Variants in HCN1 observed in about 807,000 individuals in gnomAD.
HCN1 encodes hyperpolarization activated cyclic nucleotide gated potassium channel 1.
In HCN1, 13 loss-of-function variants were observed where a neutral mutation model predicts 78.9. The observed-to-expected ratio is 0.16, with a 90% confidence interval of 0.11 to 0.26. HCN1 has a LOEUF of 0.26. HCN1 is among the 10% of genes least tolerant of loss of function. HCN1 has a pLI of 1.00. For synonymous variants in HCN1, 552 were observed against 455.5 expected, an observed-to-expected ratio of 1.21 and a Z score of -2.70; for missense variants, 810 against 1,154.3, an observed-to-expected ratio of 0.70 and a Z score of 4.32.
chr5:45,632,596 A>C (rs956020226), intron 2 of HCN1, among the ~76,000 whole-genome samples: 7 of 151,962 alleles, frequency 4.6e-5, no homozygotes, highest in Admixed American at 2.0e-4. Context: ...TTATTATCTA[A>C]CCCGAAATTC....
rs559025160 is a variant in HCN1 at position 45,260,996 on chromosome 5, C to G, written c.*925G>C. The G allele has an allele frequency of 2.0e-5, 3 of 152,396 alleles. No homozygotes were observed. The highest frequency in any genetic ancestry group is 2.4e-5 in the African/African-American group (1 of 41,352). 9.4% of individuals were successfully genotyped at this position (152,396 alleles called of 1,614,324 possible). ...GTGTAATACAAGCAATTTGTAGATT[C>G]GAGCATACAATTTTGCATAAAACAT... On this transcript the variant is annotated 3_prime_UTR_variant, in exon 8 of 8. Transcript: ENST00000303230.
chr5:45,327,608 T>C (rs982204768), intron 5 of HCN1, among the ~76,000 whole-genome samples: 4 of 151,644 alleles, frequency 2.6e-5, no homozygotes, highest in African/African-American at 9.7e-5. Context: ...TTGTTATGGG[T>C]TGAGTTGTGT....
chr5:45,269,864 G>C (rs1292006561), intron 6 of HCN1, among the ~76,000 whole-genome samples: 1 of 152,106 alleles, frequency 6.6e-6, no homozygotes, highest in African/African-American at 2.4e-5. Flanking sequence ...ATTCTTCCAG[G>C]ATACCTGCTG....
intron 5 of HCN1, among the ~76,000 whole-genome samples, chr5:45,349,624 T>A (rs572702866): frequency 6.6e-6 from 1 of 152,168 alleles, no homozygotes; most frequent in East Asian, 1.9e-4. Flanking sequence ...GATAGACCGC[T>A]AGCAAGACGA....
chr5:45,303,925 G>T, intron 5 of HCN1, 86 bp from the exon 6 acceptor site: 1 of 1,132,174 alleles, frequency 8.8e-7, no homozygotes, highest in Non-Finnish European at 1.3e-6. Flanking sequence ...AATATATACA[G>T]CATAACATTG....
intron 2 of HCN1, among the ~76,000 whole-genome samples, chr5:45,545,199 G>A (rs1743186543): frequency 1.3e-5 from 2 of 152,202 alleles, no homozygotes. Context: ...CTGATGGCCA[G>A]TGATGATGAG....
At chr5:45,643,433 TC>T (rs1745491482) in intron 2 of HCN1, 1 of 152,176 alleles carries the variant, frequency 6.6e-6, no homozygotes, top group Non-Finnish European at 1.5e-5. Flanking sequence ...GAGGTACTAT[TC>T]AACTCTGTTG....
chr5:45,319,268 CA>C (rs1433696250), intron 5 of HCN1, among the ~76,000 whole-genome samples: 1 of 151,812 alleles, frequency 6.6e-6, no homozygotes, highest in Non-Finnish European at 1.5e-5. Context: ...CAGTTGCTGC[CA>C]AAAGTTTTCC....
At chr5:45,451,260 C>A (rs1740912617) in intron 3 of HCN1, among the ~76,000 whole-genome samples, 1 of 151,908 alleles carries the variant, frequency 6.6e-6, no homozygotes, top group Non-Finnish European at 1.5e-5. Context: ...ATTTACATTT[C>A]TTTTTAATAT....
rs12657229 is a variant in HCN1, at chr5:45,585,106, A to G, written c.849+60079T>C. Among the ~76,000 whole-genome samples, 1,127 of 152,266 alleles carry G rather than the reference A, an allele frequency of 7.4e-3. 98 individuals are homozygous for G. In the East Asian group the frequency reaches 0.18, roughly 24 times the overall value. On this transcript the variant is annotated intron_variant, in intron 2 of 7. Coordinates refer to ENST00000303230, the MANE Select transcript of HCN1 (RefSeq NM_021072.4). ...GCTATGTTGCGGAAGTTCTCCTGAT[A>G]ATATCCTGCAGAGTGTTTTCCAACT...
chr5:45,311,693 A>G (rs962349570), intron 5 of HCN1, among the ~76,000 whole-genome samples: 2 of 152,238 alleles, frequency 1.3e-5, no homozygotes, highest in African/African-American at 4.8e-5. Flanking sequence ...AAGAAATGCC[A>G]AGAATGTGAT....
chr5:45,368,978 T>G (rs944230380), intron 4 of HCN1, among the ~76,000 whole-genome samples: 3 of 152,044 alleles, frequency 2.0e-5, no homozygotes, highest in Non-Finnish European at 4.4e-5. Context: ...TTCACCTTCA[T>G]AGCTAGGTCA....
chr5:45,640,203 G>A (rs1023312726), intron 2 of HCN1, among the ~76,000 whole-genome samples: 4 of 152,098 alleles, frequency 2.6e-5, no homozygotes, highest in African/African-American at 7.2e-5. Flanking sequence ...CTTATTTGCA[G>A]CATCTCCACA....
At chr5:45,337,205 A>G (rs1441059511) in intron 5 of HCN1, among the ~76,000 whole-genome samples, 1 of 152,020 alleles carries the variant, frequency 6.6e-6, no homozygotes, top group Non-Finnish European at 1.5e-5. Flanking sequence ...GAGAACTTTT[A>G]AAAGTTTTTA....
intron 2 of HCN1, among the ~76,000 whole-genome samples, chr5:45,568,625 A>G (rs981766392): frequency 6.6e-6 from 1 of 152,064 alleles, no homozygotes; most frequent in Non-Finnish European, 1.5e-5. Context: ...TTAAAAATCA[A>G]TCATTTTTTA....
At chr5:45,264,540 T>C (rs992617135) in intron 7 of HCN1, among the ~76,000 whole-genome samples, 1 of 152,242 alleles carries the variant, frequency 6.6e-6, no homozygotes, top group Non-Finnish European at 1.5e-5. Flanking sequence ...ATGCAATCAT[T>C]TTAAATGACT....
chr5:45,658,819 G>A (rs866784951), intron 1 of HCN1, among the ~76,000 whole-genome samples: 8 of 151,572 alleles, frequency 5.3e-5, no homozygotes, highest in Admixed American at 1.3e-4. Flanking sequence ...ACGGAATCTC[G>A]CTGATTGCTA....
intron 4 of HCN1, among the ~76,000 whole-genome samples, chr5:45,376,435 G>T (rs1181298322): frequency 6.8e-6 from 1 of 147,792 alleles, no homozygotes; most frequent in African/African-American, 2.5e-5. Flanking sequence ...GGCCTTTAAC[G>T]ACCAGGAAGT....
chr5:45,612,009 A>T (rs1413744010), intron 2 of HCN1, among the ~76,000 whole-genome samples: 1 of 152,216 alleles, frequency 6.6e-6, no homozygotes, highest in Non-Finnish European at 1.5e-5. Context: ...TTCAGAGTTT[A>T]TGAAATATTT....
Sources: gnomAD v4.1 joint callset for allele counts (sites outside exome capture counted in the v4.1 genomes callset) on GRCh38, gnomAD v4.1.1 for gene constraint, MANE v1.5 for transcripts, NCBI Gene and HGNC (gene_info 2026-07-23, HGNC 2026-07-21) for gene names.